The following USP24 variants were observed in gnomAD, a reference collection of about 807,000 sequenced individuals.
USP24 encodes the protein ubiquitin carboxyl-terminal hydrolase 24.
In USP24, 97 loss-of-function variants were observed where a neutral mutation model predicts 361.6. The ratio of observed to expected loss-of-function variants is 0.27; its 90% CI spans 0.23 to 0.32. The LOEUF (loss-of-function observed/expected upper bound fraction) is 0.32, where lower values mean the gene tolerates loss of function less well. Among genes scored for constraint, USP24 ranks in the 10% least tolerant of loss-of-function variants. USP24 has a pLI of 1.00. For missense variants in USP24, 2,353 were observed against 3,165.6 expected, an observed-to-expected ratio of 0.74 and a Z score of 6.16; for synonymous variants, 1,098 against 1,124.6, an observed-to-expected ratio of 0.98 and a Z score of 0.47.
chr1:55,153,258 A>G (rs907863998), intron 16 of USP24, among the ~76,000 whole-genome samples: 1 of 152,154 alleles, frequency 6.6e-6, no homozygotes, highest in African/African-American at 2.4e-5. Flanking sequence ...TTACCGCTCA[A>G]TCTGCTAACC....
chr1:55,094,222 A>C (rs1422382014), intron 51 of USP24, 135 bp from the exon 52 acceptor site: 1 of 834,668 alleles, frequency 1.2e-6, no homozygotes, highest in Non-Finnish European at 1.8e-6. Context: ...ATAAAACTGT[A>C]CCACATAAAT....
intron 10 of USP24, among the ~76,000 whole-genome samples, chr1:55,157,776 G>A (rs148092498): frequency 0.01 from 1,532 of 151,418 alleles, 25 homozygotes; most frequent in African/African-American, 0.035. Flanking sequence ...GGAGGTTGCA[G>A]TGGTCCAAGA....
intron 5 of USP24, among the ~76,000 whole-genome samples, chr1:55,167,553 C>T (rs934450523): frequency 4.6e-5 from 7 of 152,086 alleles, no homozygotes; most frequent in African/African-American, 1.7e-4. Flanking sequence ...TTTAAGGTCA[C>T]TCTTGCAGTT....
intron 1 of USP24, among the ~76,000 whole-genome samples, chr1:55,211,646 G>C (rs560386983): frequency 1.2e-4 from 18 of 152,106 alleles, no homozygotes. Flanking sequence ...GTCTTTTCTT[G>C]TAAAATGAGA....
At chr1:55,070,236 G>T (rs2100378314) in intron 67 of USP24, among the ~76,000 whole-genome samples, 1 of 152,212 alleles carries the variant, frequency 6.6e-6, no homozygotes. Flanking sequence ...TATGCCAAGT[G>T]GAGAACGTCA....
At position 55,083,905 on chromosome 1, in the gene USP24, T is replaced by TA. The variant is rs1213121478; in HGVS notation, c.6766-18dup. 1.9e-6 allele frequency: 3 copies of TA among 1,538,874 alleles called. No individual in the cohort carries two copies. The highest frequency in any genetic ancestry group is 2.0e-5 in the Admixed American group (1 of 50,824). Reference sequence around the variant, plus strand: ...GCTTTTTAACTGGTTAGAGGAAAGATAAAATTACATGAAGAAAAAGAACGT... The same window carrying TA: ...GCTTTTTAACTGGTTAGAGGAAAGATAAAAATTACATGAAGAAAAAGAACGT... On this transcript the variant is annotated splice_polypyrimidine_tract_variant and intron_variant, in intron 56 of 67. Coordinates refer to ENST00000294383, the MANE Select transcript of USP24 (RefSeq NM_015306.3).
chr1:55,116,973 T>C (rs1341037597), intron 38 of USP24, among the ~76,000 whole-genome samples: 1 of 152,138 alleles, frequency 6.6e-6, no homozygotes, highest in Non-Finnish European at 1.5e-5. Context: ...AAGGAGTGCA[T>C]TTAAAGGATT....
rs529926755 is a variant in USP24, at chr1:55,145,862, T to C, written c.2362+136A>G. Reference sequence around the variant, plus strand: ...GGAATTTGAGTACTAAATATGTCTTTAGATGCACAAGAAAAATTCTAGAAG... The same window carrying C: ...GGAATTTGAGTACTAAATATGTCTTCAGATGCACAAGAAAAATTCTAGAAG... On this transcript the variant is annotated intron_variant, in intron 20 of 67. Coordinates refer to ENST00000294383, the MANE Select transcript of USP24 (RefSeq NM_015306.3). 32 of 622,232 alleles carry C rather than the reference T, an allele frequency of 5.1e-5. No individual in the cohort carries two copies. In the South Asian group the frequency reaches 6.9e-4, roughly 13 times the overall value. 38.5% of individuals were successfully genotyped at this position (622,232 alleles called of 1,614,324 possible).
chr1:55,164,323 T>A (rs1361143027), intron 7 of USP24, among the ~76,000 whole-genome samples: 1 of 152,014 alleles, frequency 6.6e-6, no homozygotes, highest in East Asian at 1.9e-4. Flanking sequence ...TACCTAGGTA[T>A]GTGTGTGGGG....
At chr1:55,164,052 CAT>C (rs544352255) in intron 7 of USP24, among the ~76,000 whole-genome samples, 8 of 152,064 alleles carry the variant, frequency 5.3e-5, no homozygotes, top group Non-Finnish European at 1.2e-4. Context: ...ATAGCAAAAA[CAT>C]AGAAATAATC....
chr1:55,102,458 A>T (rs1420030141), intron 42 of USP24, among the ~76,000 whole-genome samples: 1 of 152,220 alleles, frequency 6.6e-6, no homozygotes, highest in Non-Finnish European at 1.5e-5. Flanking sequence ...TTGAAATGCT[A>T]TTCAAAGATC....
At chr1:55,109,763 A>G (rs1570428005) in intron 39 of USP24, among the ~76,000 whole-genome samples, 1 of 152,146 alleles carries the variant, frequency 6.6e-6, no homozygotes, top group Non-Finnish European at 1.5e-5. Context: ...CACACTAACA[A>G]AAGAATTTCT....
intron 64 of USP24, 46 bp from the exon 65 acceptor site, chr1:55,072,907 G>C: frequency 6.5e-7 from 1 of 1,532,980 alleles, no homozygotes. Context: ...TTCTTTGCTT[G>C]TTCCTAGTGC....
chr1:55,189,780 T>C (rs1644237008), intron 1 of USP24, among the ~76,000 whole-genome samples: 2 of 152,108 alleles, frequency 1.3e-5, no homozygotes, highest in African/African-American at 4.8e-5. Context: ...AAAGTGGGTA[T>C]ATATCTAAGA....
chr1:55,134,738 A>T (rs1285603874), intron 28 of USP24, among the ~76,000 whole-genome samples: 1 of 152,242 alleles, frequency 6.6e-6, no homozygotes, highest in Non-Finnish European at 1.5e-5. Flanking sequence ...AGTAGGCACC[A>T]CTGAGCTAAT....
chr1:55,133,983 C>T (rs1463321806), intron 30 of USP24, 87 bp downstream of exon 30: 2 of 1,167,922 alleles, frequency 1.7e-6, no homozygotes, highest in South Asian at 1.3e-5. Flanking sequence ...AAGATGGTAT[C>T]ATATGACCTT....
At chr1:55,070,434 T>G (rs961340276) in intron 67 of USP24, among the ~76,000 whole-genome samples, 1 of 152,094 alleles carries the variant, frequency 6.6e-6, no homozygotes, top group Non-Finnish European at 1.5e-5. Flanking sequence ...GAGAGAGAAG[T>G]GTCAGGAAAG....
Position 55,165,551 on chromosome 1 carries a change from C to T in USP24, c.927+334G>A, listed in dbSNP as rs1005527026. ...GAAGTAAATTCTGATTTTATATAATCGTTTAACTGAGCCATAAAATTGTTA... is the reference window on the plus strand; with the variant it reads ...GAAGTAAATTCTGATTTTATATAATTGTTTAACTGAGCCATAAAATTGTTA... On this transcript the variant is annotated intron_variant, in intron 7 of 67. Coordinates refer to ENST00000294383, the MANE Select transcript of USP24 (RefSeq NM_015306.3). Among the ~76,000 whole-genome samples the T allele has an allele frequency of 3.3e-5, 5 of 151,980 alleles. No homozygotes were observed. The East Asian group carries it at 5.8e-4, about 18-fold the overall frequency.
chr1:55,079,104 G>C (rs1645089958), intron 60 of USP24, among the ~76,000 whole-genome samples: 1 of 152,162 alleles, frequency 6.6e-6, no homozygotes, highest in East Asian at 1.9e-4. Context: ...TCTGCTGGAA[G>C]GGGAAGGTTG....
Sources: gnomAD v4.1 joint callset for allele counts (sites outside exome capture counted in the v4.1 genomes callset) on GRCh38, gnomAD v4.1.1 for gene constraint, MANE v1.5 for transcripts, NCBI Gene and HGNC (gene_info 2026-07-23, HGNC 2026-07-21) for gene names.